KIF13A: variants seen among roughly 807,000 people sequenced by gnomAD.
The protein encoded by KIF13A is kinesin-like protein KIF13A.
In KIF13A, 79 loss-of-function variants were observed where a neutral mutation model predicts 212.2. The ratio of observed to expected loss-of-function variants is 0.37; its 90% CI spans 0.31 to 0.45. KIF13A has a LOEUF of 0.45. Among genes scored for constraint, KIF13A ranks in the 20% least tolerant of loss-of-function variants. KIF13A has a pLI of 1.00. For missense variants in KIF13A, 1,901 were observed against 2,209.0 expected (o/e 0.86, Z 2.79); for synonymous variants, 789 against 808.6 (o/e 0.98, Z 0.41).
At chr6:17,760,822 C>T (rs1758548267), downstream of KIF13A, 1 of 1,612,158 alleles carries the variant, frequency 6.2e-7, no homozygotes. Flanking sequence ...AACAAAGACG[C>T]CAAGCTGTGG....
rs1469077822 is a variant in KIF13A at position 17,811,420 on chromosome 6, T to C, written c.2001-2490A>G. 6.6e-6 allele frequency among the ~76,000 whole-genome samples: 1 copy of C among 152,216 alleles called. No individual in the cohort carries two copies. The highest frequency in any genetic ancestry group is 2.1e-4 in the South Asian group (1 of 4,834). ...GAAATAGAAAACAAACAAATAACTA[T>C]TAATATATAATCCTAACGTTTCCTA... On this transcript the variant is annotated intron_variant, in intron 17 of 38. Coordinates refer to ENST00000259711, the MANE Select transcript of KIF13A (RefSeq NM_022113.6). The surrounding 1 kb of genome is among the most constrained non-coding windows in gnomAD (Gnocchi z 6.0).
At position 17,816,477 on chromosome 6, in the gene KIF13A, G is replaced by A. The variant is rs543210572; in HGVS notation, c.2000+543C>T. On this transcript the variant is annotated intron_variant, in intron 17 of 38. Coordinates refer to ENST00000259711, the MANE Select transcript of KIF13A (RefSeq NM_022113.6). This position sits in a 1 kb window ranked among gnomAD's most constrained non-coding sequence, Gnocchi z 4.3. ...TGACCTTATAGGCATGCACCACCAC[G>A]CCTGGGTAATTTTTACTTTTTGTAG... Among the ~76,000 whole-genome samples the A allele has an allele frequency of 1.7e-4, 26 of 151,980 alleles. No individual in the cohort carries two copies. In the South Asian group the frequency reaches 4.2e-3, roughly 24 times the overall value.
intron 18 of KIF13A, among the ~76,000 whole-genome samples, chr6:17,806,072 A>C (rs751999925): frequency 6.6e-6 from 1 of 152,006 alleles, no homozygotes; most frequent in Non-Finnish European, 1.5e-5. Flanking sequence ...GGCACATGAC[A>C]CCATGACTGA....
intron 4 of KIF13A, among the ~76,000 whole-genome samples, chr6:17,870,703 C>T (rs1457498789): frequency 6.6e-6 from 1 of 152,114 alleles, no homozygotes; most frequent in East Asian, 1.9e-4. Flanking sequence ...GGTCTCCCAT[C>T]GCATCCCCAA....
In KIF13A at chr6:17,834,101, T is replaced by G; in HGVS notation, c.1156-30A>C. 1 of 1,396,572 alleles carries G rather than the reference T, an allele frequency of 7.2e-7. No individual in the cohort carries two copies. Among genetic ancestry groups the G allele is most frequent in the South Asian group, 1.3e-5 (1 of 77,268 alleles). The allele number at this position is 1,396,572 out of a possible 1,614,324, so 86.5% of individuals were successfully genotyped here. ...AAAATGAAATCAGAGATATCTGATG[T>G]TCAAAATTTTTCCACCATCATATAC... On this transcript the variant is annotated intron_variant, in intron 11 of 38. Coordinates refer to ENST00000259711, the MANE Select transcript of KIF13A (RefSeq NM_022113.6). This position sits in a 1 kb window ranked among gnomAD's most constrained non-coding sequence, Gnocchi z 4.0.
chr6:17,947,225 T>C lies in KIF13A; in HGVS notation c.146+39829A>G, dbSNP rs989536549. Reference sequence around the variant, plus strand: ...GGGAAGGAGTGGAAATGGGAATAAGTGATATAAGAGACAAAAAAGTACAAG... The same window carrying C: ...GGGAAGGAGTGGAAATGGGAATAAGCGATATAAGAGACAAAAAAGTACAAG... On this transcript the variant is annotated intron_variant, in intron 2 of 38. Coordinates refer to ENST00000259711, the MANE Select transcript of KIF13A (RefSeq NM_022113.6). The surrounding 1 kb of genome is among the most constrained non-coding windows in gnomAD (Gnocchi z 4.6). Among the ~76,000 whole-genome samples, 6 of 152,120 alleles carry C rather than the reference T, an allele frequency of 3.9e-5. No homozygotes were observed. The highest frequency in any genetic ancestry group is 5.9e-5 in the Non-Finnish European group (4 of 68,020).
At chr6:17,852,399 T>C (rs546560540) in intron 6 of KIF13A, among the ~76,000 whole-genome samples, 1 of 152,158 alleles carries the variant, frequency 6.6e-6, no homozygotes, top group Admixed American at 6.6e-5. Flanking sequence ...AATAAGCATA[T>C]TCTCAGCAGA....
At chr6:17,978,371 T>C (rs1780768808) in intron 2 of KIF13A, among the ~76,000 whole-genome samples, 1 of 152,220 alleles carries the variant, frequency 6.6e-6, no homozygotes, top group Non-Finnish European at 1.5e-5. Flanking sequence ...CAGAAATATT[T>C]TGTAGAGTGG....
intron 3 of KIF13A, among the ~76,000 whole-genome samples, chr6:17,893,469 A>G (rs1772251777): frequency 6.6e-6 from 1 of 152,206 alleles, no homozygotes; most frequent in Admixed American, 6.5e-5. Flanking sequence ...GCCACCTTGC[A>G]GGAGCTTGTT....
At chr6:17,827,958 T>A (rs1044171233) in intron 14 of KIF13A, among the ~76,000 whole-genome samples, 8 of 152,246 alleles carry the variant, frequency 5.3e-5, no homozygotes, top group African/African-American at 1.9e-4. Context: ...TGAGTTTTCA[T>A]TTTCCAATAA....
At chr6:17,790,025 C>A in intron 25 of KIF13A, 115 bp from the exon 26 acceptor site, 4 of 693,070 alleles carry the variant, frequency 5.8e-6, no homozygotes, top group South Asian at 3.8e-5. Context: ...CTAACATAAG[C>A]AAAATAAAAC....
chr6:17,813,547 G>A (rs1763619952), intron 17 of KIF13A, among the ~76,000 whole-genome samples: 1 of 152,178 alleles, frequency 6.6e-6, no homozygotes, highest in South Asian at 2.1e-4. Context: ...TATCCAGACA[G>A]ATGAGCAGGT....
In KIF13A at chr6:17,987,266, C is replaced by T; in HGVS notation, c.56-122G>A. 3.5e-6 allele frequency: 3 copies of T among 855,656 alleles called. No homozygotes were observed. Among genetic ancestry groups the T allele is most frequent in the Non-Finnish European group, 4.6e-6 (3 of 651,790 alleles). 53.0% of individuals were successfully genotyped at this position (855,656 alleles called of 1,614,324 possible). On this transcript the variant is annotated intron_variant, in intron 1 of 38. Coordinates refer to ENST00000259711, the MANE Select transcript of KIF13A (RefSeq NM_022113.6). This position sits in a 1 kb window ranked among gnomAD's most constrained non-coding sequence, Gnocchi z 7.7. ...GCGGCCGAGCCTGGAGACGGCGCCC[C>T]GGGCACCACGGCCAGCGCGGACGCC...
chr6:17,823,842 A>G (rs1764688978), intron 16 of KIF13A, among the ~76,000 whole-genome samples: 1 of 151,584 alleles, frequency 6.6e-6, no homozygotes, highest in African/African-American at 2.4e-5. Context: ...GCCTCAAGCT[A>G]TCTTCCCGTC....
chr6:17,889,067 A>G (rs1399588891), intron 3 of KIF13A, among the ~76,000 whole-genome samples: 1 of 152,178 alleles, frequency 6.6e-6, no homozygotes, highest in Non-Finnish European at 1.5e-5. Context: ...ATTGAGGCCA[A>G]ATGCTTAGTA....
intron 3 of KIF13A, among the ~76,000 whole-genome samples, chr6:17,880,887 T>C (rs1454931383): frequency 6.6e-6 from 1 of 152,110 alleles, no homozygotes; most frequent in Non-Finnish European, 1.5e-5. Context: ...CCCAAAGTGC[T>C]GAGCCACTGT....
In KIF13A at chr6:17,893,999, C is replaced by T. The variant is rs190539635; in HGVS notation, c.159+4169G>A. On this transcript the variant is annotated intron_variant, in intron 3 of 38. Transcript: ENST00000259711. ...GGACTACAGGCGTGTGCCACCACAC[C>T]CGGCTAATTTTTGTATTTTCAGTAA... Among the ~76,000 whole-genome samples the T allele has an allele frequency of 2.6e-3, 392 of 151,708 alleles. 2 individuals are homozygous for T. Among genetic ancestry groups the T allele is most frequent in the African/African-American group, 8.9e-3 (369 of 41,380 alleles).
At position 17,773,472 on chromosome 6, in the gene KIF13A, C is replaced by T. The variant is rs116328220; in HGVS notation, c.4324+6G>A. The T allele has an allele frequency of 2.9e-3, 4,395 of 1,511,914 alleles. 124 individuals carry two copies. In the African/African-American group the frequency reaches 0.051, roughly 18 times the overall value. The allele number at this position is 1,511,914 out of a possible 1,614,324, so 93.7% of individuals were successfully genotyped here. On this transcript the variant is annotated splice_donor_region_variant and intron_variant, in intron 36 of 38. Coordinates refer to ENST00000259711, the MANE Select transcript of KIF13A (RefSeq NM_022113.6). This position sits in a 1 kb window ranked among gnomAD's most constrained non-coding sequence, Gnocchi z 4.2. ...AAATATCACTGCAAAATAATCTCAC[C>T]ACTACCTTCTTTATTCCTTCGAGGA...
chr6:17,821,552 G>GGTGTGTGTGTGTGTGTGTGT (rs111387037), intron 16 of KIF13A, among the ~76,000 whole-genome samples: 1,402 of 111,992 alleles, frequency 0.013, 87 homozygotes, highest in African/African-American at 0.022. Context: ...ATTGGGACAT[G>GGTGTGTGTGTGTGTGTGTGT]GTGTGTGTGT....
Sources: gnomAD v4.1 joint callset for allele counts (sites outside exome capture counted in the v4.1 genomes callset) on GRCh38, gnomAD v4.1.1 for gene constraint, Gnocchi (gnomAD v3.1) non-coding constraint, MANE v1.5 for transcripts, NCBI Gene and HGNC (gene_info 2026-07-23, HGNC 2026-07-21) for gene names.